Variants in ZNF483 observed in about 807,000 individuals in gnomAD.
ZNF483 encodes zinc finger protein HIT-10.
Under a neutral mutation model 28.6 loss-of-function variants are expected in ZNF483, and 9 were observed. The observed-to-expected ratio is 0.32, with a 90% CI of 0.19 to 0.55. ZNF483 has a LOEUF of 0.55. ZNF483 is among the 20% of genes least tolerant of loss of function. The pLI is 0.93. For missense variants in ZNF483, 675 were observed against 871.7 expected, an observed-to-expected ratio of 0.77 and a Z score of 2.84; for synonymous variants, 322 against 306.2, an observed-to-expected ratio of 1.05 and a Z score of -0.54.
intron 2 of ZNF483, among the ~76,000 whole-genome samples, chr9:111,529,148 A>AG (rs1564590375): frequency 6.7e-6 from 1 of 149,514 alleles, no homozygotes; most frequent in African/African-American, 2.5e-5. Context: ...AAAAAAAAAA[A>AG]GATTGATTTC....
intron 2 of ZNF483, among the ~76,000 whole-genome samples, chr9:111,530,341 C>T (rs1354412368): frequency 1.3e-5 from 2 of 152,186 alleles, no homozygotes; most frequent in African/African-American, 4.8e-5. Context: ...CCTCATCCAT[C>T]TGGCTGTTCA....
chr9:111,539,393 A>T (rs1827610277), intron 5 of ZNF483: 1 of 455,732 alleles, frequency 2.2e-6, no homozygotes, highest in African/African-American at 2.0e-5. Flanking sequence ...AAAGCAGTAT[A>T]ACCTTTCTAC....
chr9:111,554,493 A>G lies in ZNF483; in HGVS notation c.*11323A>G, dbSNP rs1828063928. ...AATGCATACAGTAGCCCCCTTATCC[A>G]TGGGGGATATGCTCCAAGACCTCGA... On this transcript the variant is annotated 3_prime_UTR_variant, in exon 6 of 6. Transcript: ENST00000309235. Among the ~76,000 whole-genome samples the G allele has an allele frequency of 6.6e-6, 1 of 152,122 alleles. No individual in the cohort carries two copies. Among genetic ancestry groups the G allele is most frequent in the Non-Finnish European group, 1.5e-5 (1 of 68,006 alleles).
rs746046083 is a variant in ZNF483, at chr9:111,533,700, G to C, written c.502-39G>C. ...AAAAAAAAGTACTTAGGTTCTATTT[G>C]GGAATAATCCAATACAAAAGAGCTG... On this transcript the variant is annotated intron_variant, in intron 3 of 5. Transcript: ENST00000309235. The C allele has an allele frequency of 2.0e-6, 3 of 1,517,042 alleles. No individual in the cohort carries two copies. The Admixed American group carries it at 7.6e-5, about 39-fold the overall frequency. The allele number at this position is 1,517,042 out of a possible 1,614,324, so 94.0% of individuals were successfully genotyped here.
At chr9:111,565,131 A>T (rs976860576) in intron 5 of ZNF483, among the ~76,000 whole-genome samples, 5 of 152,164 alleles carry the variant, frequency 3.3e-5, no homozygotes, top group African/African-American at 1.2e-4. Flanking sequence ...TCTCAAAAAA[A>T]AAAGTACTTA....
Position 111,543,267 on chromosome 9 carries a change from T to C in ZNF483, c.*97T>C. On this transcript the variant is annotated 3_prime_UTR_variant, in exon 6 of 6. Coordinates refer to ENST00000309235, the MANE Select transcript of ZNF483 (RefSeq NM_133464.5). ...TACAGTATTGATCAGTAGCTGCAGCTTTCGTAAATTGGCAGTTAGGAAAAA... is the reference window on the plus strand; with the variant it reads ...TACAGTATTGATCAGTAGCTGCAGCCTTCGTAAATTGGCAGTTAGGAAAAA... 6.8e-7 allele frequency: 1 copy of C among 1,465,868 alleles called. No homozygotes were observed. 90.8% of individuals were successfully genotyped at this position (1,465,868 alleles called of 1,614,324 possible). A position where few individuals can be genotyped will look rare whatever the true frequency, so the allele number is the denominator to read the frequency against.
chr9:111,529,841 G>A (rs1320782417), intron 2 of ZNF483, among the ~76,000 whole-genome samples: 1 of 152,190 alleles, frequency 6.6e-6, no homozygotes, highest in Non-Finnish European at 1.5e-5. Flanking sequence ...GAGGCTCAGA[G>A]CTCTTAGAAC....
chr9:111,561,165 G>GAGAA (rs1828306091), intron 5 of ZNF483, among the ~76,000 whole-genome samples: 1 of 142,230 alleles, frequency 7.0e-6, no homozygotes, highest in African/African-American at 2.6e-5. Context: ...GAGAGAGAGA[G>GAGAA]AGAGAGAGAG....
chr9:111,539,437 G>C (rs771656686), intron 5 of ZNF483: 9 of 455,856 alleles, frequency 2.0e-5, no homozygotes, highest in Middle Eastern at 3.3e-4. Context: ...TTATGACTCT[G>C]TTTTTTAGGA....
rs1326686106 is a variant in ZNF483, at chr9:111,546,194, G to A, written c.*3024G>A. On this transcript the variant is annotated 3_prime_UTR_variant, in exon 6 of 6. Coordinates refer to ENST00000309235, the MANE Select transcript of ZNF483 (RefSeq NM_133464.5). ...TTTTATGTGCTCTTCAGCCATTCAT[G>A]TATCTTAGTGAAATGTTTATTCAGA... 1.3e-5 allele frequency among the ~76,000 whole-genome samples: 2 copies of A among 152,296 alleles called. No individual in the cohort carries two copies. The highest frequency in any genetic ancestry group is 6.5e-5 in the Admixed American group (1 of 15,288).
downstream of ZNF483, among the ~76,000 whole-genome samples, chr9:111,555,459 A>G (rs1828094088): frequency 6.6e-6 from 1 of 152,086 alleles, no homozygotes; most frequent in African/African-American, 2.4e-5. Flanking sequence ...CTGTTAATAA[A>G]ATTTTTCCTC....
intron 5 of ZNF483, among the ~76,000 whole-genome samples, chr9:111,560,504 G>A (rs1390135858): frequency 1.3e-5 from 2 of 149,356 alleles, no homozygotes; most frequent in Non-Finnish European, 3.0e-5. Context: ...AGCCGGGCAT[G>A]GTGGCAGGCG....
chr9:111,538,932 T>C (rs778912939), intron 5 of ZNF483, among the ~76,000 whole-genome samples: 13 of 151,458 alleles, frequency 8.6e-5, no homozygotes, highest in Non-Finnish European at 1.5e-4. Flanking sequence ...GCCAACATGG[T>C]AAAACCCCAT....
chr9:111,545,582 A>G lies in ZNF483; in HGVS notation c.*2412A>G, dbSNP rs990937952. Among the ~76,000 whole-genome samples the G allele has an allele frequency of 6.6e-6, 1 of 152,088 alleles. No individual in the cohort carries two copies. Among genetic ancestry groups the G allele is most frequent in the African/African-American group, 2.4e-5 (1 of 41,414 alleles). On this transcript the variant is annotated 3_prime_UTR_variant, in exon 6 of 6. Transcript: ENST00000309235. ...CAGTTTACAGTTAATCTCCCGTCCAACCTCTAATCCCAGGCACCCACTACT... is the reference window on the plus strand; with the variant it reads ...CAGTTTACAGTTAATCTCCCGTCCAGCCTCTAATCCCAGGCACCCACTACT...
chr9:111,532,478 A>G (rs2132228474), intron 3 of ZNF483, among the ~76,000 whole-genome samples: 1 of 152,278 alleles, frequency 6.6e-6, no homozygotes, highest in Admixed American at 6.5e-5. Context: ...TTGGAGTGAT[A>G]GGGCCGTAAG....
Position 111,553,139 on chromosome 9 carries a change from C to T in ZNF483, c.*9969C>T, listed in dbSNP as rs567941791. Among the ~76,000 whole-genome samples, 1 of 152,304 alleles carries T rather than the reference C, an allele frequency of 6.6e-6. No homozygotes were observed. Among genetic ancestry groups the T allele is most frequent in the Admixed American group, 6.5e-5 (1 of 15,304 alleles). On this transcript the variant is annotated 3_prime_UTR_variant, in exon 6 of 6. Coordinates refer to ENST00000309235, the MANE Select transcript of ZNF483 (RefSeq NM_133464.5). Reference sequence around the variant, plus strand: ...CTCACTAAATGGTTGCTAAAAATTACATGTCTTAAATATTGTCTTAAGTAT... The same window carrying T: ...CTCACTAAATGGTTGCTAAAAATTATATGTCTTAAATATTGTCTTAAGTAT...
chr9:111,533,763 G>T lies in ZNF483; in HGVS notation c.526G>T (p.Ala176Ser). The change falls in exon 4 of 6, where the codon GCT (alanine) becomes TCT (serine). Residue 176 changes from alanine (A) to serine (S), a missense_variant. Transcript: ENST00000309235. ...SCESITLKDV[A>S]VNFSRGEWKK... ...GGAATCTATAACATTGAAGGATGTA[G>T]CTGTGAACTTTTCAAGAGGAGAGTG... is the stretch of plus-strand genomic sequence containing the variant. 1 of 1,586,826 alleles carries T rather than the reference G, an allele frequency of 6.3e-7. No homozygotes were observed. The highest frequency in any genetic ancestry group is 8.5e-7 in the Non-Finnish European group (1 of 1,172,292).
intron 5 of ZNF483, chr9:111,570,033 A>G: frequency 1.2e-6 from 2 of 1,606,656 alleles, no homozygotes; most frequent in South Asian, 2.2e-5. Context: ...AAGCCTTGAG[A>G]GGCAAAGGGA....
chr9:111,531,068 C>T (rs533738343), intron 3 of ZNF483, 105 bp downstream of exon 3: 2 of 353,994 alleles, frequency 5.6e-6, no homozygotes, highest in South Asian at 4.7e-5. Flanking sequence ...GTGGCTTACA[C>T]CTGTAATCCC....
Sources: allele counts gnomAD v4.1 joint callset (sites outside exome capture counted in the v4.1 genomes callset), GRCh38; gene constraint gnomAD v4.1.1; transcripts MANE v1.5; gene names NCBI Gene and HGNC (gene_info 2026-07-23, HGNC 2026-07-21).